The following CSMD1 variants were observed in gnomAD, a reference collection of about 807,000 sequenced individuals.
CSMD1 encodes CUB and Sushi multiple domains 1, also known as CUB and sushi domain-containing protein 1.
Under a neutral mutation model 417.5 loss-of-function variants are expected in CSMD1, and 213 were observed. The observed-to-expected ratio is 0.51, with a 90% CI of 0.46 to 0.57. CSMD1 has a LOEUF of 0.57. CSMD1 is among the 20% of genes least tolerant of loss of function. CSMD1 has a pLI of 0.00. For missense variants in CSMD1, 6,923 were observed against 4,529.7 expected, an observed-to-expected ratio of 1.53 and a Z score of -15.17; for synonymous variants, 2,862 against 1,736.8, an observed-to-expected ratio of 1.65 and a Z score of -16.11.
chr8:3,106,668 G>T (rs958249748), intron 45 of CSMD1, 27 bp from the exon 46 acceptor site: 1 of 1,434,192 alleles, frequency 7.0e-7, no homozygotes, highest in Non-Finnish European at 9.8e-7. Flanking sequence ...AACAAACCAG[G>T]AAATTGTGTG....
chr8:3,090,173 C>G (rs1457733786), intron 48 of CSMD1, among the ~76,000 whole-genome samples: 1 of 151,862 alleles, frequency 6.6e-6, no homozygotes, highest in Non-Finnish European at 1.5e-5. Flanking sequence ...AAAAATTAGC[C>G]GGGCGCGGTG....
chr8:3,244,845 C>T (rs1206818738), intron 26 of CSMD1, among the ~76,000 whole-genome samples: 1 of 152,228 alleles, frequency 6.6e-6, no homozygotes, highest in Admixed American at 6.5e-5. Flanking sequence ...AGGGACACTG[C>T]TTGGCAGCAA....
At chr8:3,198,393 G>C (rs188905756) in intron 33 of CSMD1, among the ~76,000 whole-genome samples, 53 of 152,240 alleles carry the variant, frequency 3.5e-4, no homozygotes, top group African/African-American at 1.2e-3. Context: ...GAATTTATTT[G>C]AAAAAATTAG....
At chr8:4,875,627 G>A (rs1376350146) in intron 1 of CSMD1, among the ~76,000 whole-genome samples, 1 of 152,050 alleles carries the variant, frequency 6.6e-6, no homozygotes, top group Non-Finnish European at 1.5e-5. Flanking sequence ...TTTGCAATAG[G>A]ATATGATTGG....
chr8:4,067,812 C>T (rs758792230), intron 3 of CSMD1, among the ~76,000 whole-genome samples: 1 of 151,908 alleles, frequency 6.6e-6, no homozygotes, highest in African/African-American at 2.4e-5. Context: ...GATACAGTGG[C>T]TCATGTCTGT....
At chr8:3,233,298 C>G (rs565891331) in intron 26 of CSMD1, among the ~76,000 whole-genome samples, 1 of 152,098 alleles carries the variant, frequency 6.6e-6, no homozygotes, top group African/African-American at 2.4e-5. Context: ...GAATTGGTGA[C>G]TTTATAGGAA....
chr8:4,905,022 T>G (rs1043081481), intron 1 of CSMD1, among the ~76,000 whole-genome samples: 1 of 152,168 alleles, frequency 6.6e-6, no homozygotes, highest in Non-Finnish European at 1.5e-5. Context: ...AGTGTGACAG[T>G]AGAAATTAAA....
chr8:3,396,942 A>G (rs2133562), intron 16 of CSMD1, among the ~76,000 whole-genome samples: 93,571 of 151,496 alleles, frequency 0.62, 29,067 homozygotes, highest in Middle Eastern at 0.7. Context: ...TAGAACAACC[A>G]TGGGTATGTT....
intron 3 of CSMD1, among the ~76,000 whole-genome samples, chr8:4,056,508 A>G (rs1181060300): frequency 6.6e-6 from 1 of 151,822 alleles, no homozygotes; most frequent in African/African-American, 2.4e-5. Flanking sequence ...ATATTGGGCT[A>G]CTAAGGAAAG....
At chr8:3,570,271 T>C (rs1392648626) in intron 10 of CSMD1, among the ~76,000 whole-genome samples, 2 of 152,250 alleles carry the variant, frequency 1.3e-5, no homozygotes, top group African/African-American at 2.4e-5. Context: ...CCTCTTTCCT[T>C]GGTGTCTGGC....
At chr8:4,781,193 A>G (rs892391181) in intron 1 of CSMD1, among the ~76,000 whole-genome samples, 1 of 152,186 alleles carries the variant, frequency 6.6e-6, no homozygotes, top group Non-Finnish European at 1.5e-5. Flanking sequence ...CATCTCCGCA[A>G]GAAAGGAAAG....
intron 5 of CSMD1, among the ~76,000 whole-genome samples, chr8:3,831,682 G>A (rs1030033151): frequency 2.0e-4 from 31 of 151,992 alleles, no homozygotes; most frequent in Non-Finnish European, 7.4e-5. Context: ...ACCGGCAAAG[G>A]ATATATGTTT....
intron 2 of CSMD1, among the ~76,000 whole-genome samples, chr8:4,423,528 C>T (rs1797369738): frequency 6.6e-6 from 1 of 151,944 alleles, no homozygotes; most frequent in Non-Finnish European, 1.5e-5. Context: ...AAGTACACAA[C>T]ACTGAAGAAA....
At chr8:3,665,453 C>T (rs1275715956) in intron 7 of CSMD1, among the ~76,000 whole-genome samples, 3 of 152,014 alleles carry the variant, frequency 2.0e-5, no homozygotes, top group African/African-American at 7.2e-5. Context: ...TGCTTGAACC[C>T]GGGAGACGGA....
intron 26 of CSMD1, among the ~76,000 whole-genome samples, chr8:3,271,329 T>C (rs1272704101): frequency 2.0e-5 from 3 of 152,012 alleles, no homozygotes; most frequent in Non-Finnish European, 1.5e-5. Context: ...AGTCTATCAT[T>C]GTTGGACATT....
chr8:4,251,917 G>C (rs1269080711), intron 3 of CSMD1, among the ~76,000 whole-genome samples: 1 of 151,430 alleles, frequency 6.6e-6, no homozygotes, highest in Non-Finnish European at 1.5e-5. Flanking sequence ...GGATAATGTG[G>C]GAATGGGAAG....
At chr8:3,927,290 T>C (rs1446371014) in intron 5 of CSMD1, among the ~76,000 whole-genome samples, 1 of 151,942 alleles carries the variant, frequency 6.6e-6, no homozygotes, top group Non-Finnish European at 1.5e-5. Flanking sequence ...ATTATTAAGG[T>C]GCCAGACAGC....
chr8:3,549,095 G>A (rs17323016), intron 10 of CSMD1, among the ~76,000 whole-genome samples: 10,258 of 152,220 alleles, frequency 0.067, 400 homozygotes, highest in Middle Eastern at 0.11. Flanking sequence ...CCATCTCAGA[G>A]CCACACATTG....
rs188545298 is a variant in CSMD1 at position 3,171,628 on chromosome 8, T to C, written c.5726-9351A>G. Among the ~76,000 whole-genome samples the C allele has an allele frequency of 2.1e-3, 314 of 152,242 alleles. 1 individual carries two copies. Among genetic ancestry groups the C allele is most frequent in the Non-Finnish European group, 1.0e-3 (69 of 68,024 alleles). On this transcript the variant is annotated intron_variant, in intron 37 of 69. Coordinates refer to ENST00000635120, the MANE Select transcript of CSMD1 (RefSeq NM_033225.6). Reference sequence around the variant, plus strand: ...CAGAGAATTCTTTCAAGTTTTAACATCCAAGACATAAATTTGGTAGAAAAA... The same window carrying C: ...CAGAGAATTCTTTCAAGTTTTAACACCCAAGACATAAATTTGGTAGAAAAA...
Sources: allele counts gnomAD v4.1 joint callset (sites outside exome capture counted in the v4.1 genomes callset), GRCh38; gene constraint gnomAD v4.1.1; transcripts MANE v1.5; gene names NCBI Gene and HGNC (gene_info 2026-07-23, HGNC 2026-07-21).